The following PTPRT variants were observed in gnomAD, a reference collection of about 807,000 sequenced individuals.
The protein encoded by PTPRT is receptor-type tyrosine-protein phosphatase T.
In PTPRT, 56 loss-of-function variants were observed where a neutral mutation model predicts 176.8. The ratio of observed to expected loss-of-function variants is 0.32; its 90% CI spans 0.26 to 0.40. The LOEUF is 0.40. PTPRT is among the 10% of genes least tolerant of loss of function. The pLI is 1.00. For missense variants in PTPRT, 1,540 were observed against 1,908.2 expected (o/e 0.81, Z 3.60); for synonymous variants, 783 against 739.0 (o/e 1.06, Z -0.96).
rs2070769465 is a variant in PTPRT at position 42,448,338 on chromosome 20, T to C, written c.1451-9A>G. On this transcript the variant is annotated splice_polypyrimidine_tract_variant and intron_variant, in intron 8 of 30. Coordinates refer to ENST00000373187, the MANE Select transcript of PTPRT (RefSeq NM_007050.6). ...AGGAACAGCTCCTGGAACTACAGAA[T>C]GGAAAAGTTATGAACTTGATGTCAC... 2 of 1,596,240 alleles carry C rather than the reference T, an allele frequency of 1.3e-6. No individual in the cohort carries two copies. Among genetic ancestry groups the C allele is most frequent in the African/African-American group, 2.7e-5 (2 of 74,470 alleles).
chr20:42,919,724 A>G (rs1265379293), intron 1 of PTPRT, among the ~76,000 whole-genome samples: 1 of 152,244 alleles, frequency 6.6e-6, no homozygotes, highest in African/African-American at 2.4e-5. Flanking sequence ...AACCTTGTAG[A>G]CAAGTAAGAA....
chr20:42,328,078 A>G (rs921359609), intron 11 of PTPRT, among the ~76,000 whole-genome samples: 1 of 152,102 alleles, frequency 6.6e-6, no homozygotes, highest in Non-Finnish European at 1.5e-5. Flanking sequence ...GGAAAATAGG[A>G]ACTTACCTTA....
chr20:42,073,061 A>T lies in PTPRT; in HGVS notation c.*7818T>A, dbSNP rs1007418192. ...TCTTCTCATACGTGCTTTATCTATC[A>T]AACACCCAAACTGTACAAGTGCAGG... On this transcript the variant is annotated 3_prime_UTR_variant, in exon 31 of 31. Coordinates refer to ENST00000373187, the MANE Select transcript of PTPRT (RefSeq NM_007050.6). 1 of 217,676 alleles carries T rather than the reference A, an allele frequency of 4.6e-6. No homozygotes were observed. Among genetic ancestry groups the T allele is most frequent in the African/African-American group, 2.3e-5 (1 of 44,442 alleles). 13.5% of individuals were successfully genotyped at this position (217,676 alleles called of 1,614,324 possible). A position where few individuals can be genotyped will look rare whatever the true frequency, so the allele number is the denominator to read the frequency against.
At chr20:43,071,787 A>C (rs2011184721) in intron 1 of PTPRT, among the ~76,000 whole-genome samples, 2 of 152,224 alleles carry the variant, frequency 1.3e-5, no homozygotes, top group South Asian at 4.1e-4. Flanking sequence ...CTCCATCTCA[A>C]ATAAAACAAA....
intron 1 of PTPRT, among the ~76,000 whole-genome samples, chr20:43,046,777 G>C (rs1986856823): frequency 6.6e-6 from 1 of 152,142 alleles, no homozygotes. Context: ...CAACTAAAAT[G>C]AACTCAGTAG....
At chr20:42,161,308 C>A (rs1410984427) in intron 17 of PTPRT, 44 bp downstream of exon 17, 3 of 1,608,512 alleles carry the variant, frequency 1.9e-6, no homozygotes, top group East Asian at 4.5e-5. Context: ...CCCAAATAAG[C>A]CTCTGAAACT....
At chr20:42,170,155 C>T (rs1422640829) in intron 16 of PTPRT, among the ~76,000 whole-genome samples, 9 of 152,140 alleles carry the variant, frequency 5.9e-5, no homozygotes. Flanking sequence ...AGGTTGCCCT[C>T]ATGCCAAGAT....
At chr20:42,101,227 G>A (rs374446576) in intron 26 of PTPRT, among the ~76,000 whole-genome samples, 2 of 152,152 alleles carry the variant, frequency 1.3e-5, no homozygotes, top group East Asian at 3.9e-4. Flanking sequence ...CAAATTGCAG[G>A]GAGGCTCAAG....
chr20:42,100,272 C>A (rs1269066034), intron 26 of PTPRT, among the ~76,000 whole-genome samples: 1 of 152,172 alleles, frequency 6.6e-6, no homozygotes, highest in African/African-American at 2.4e-5. Flanking sequence ...CGTGCTCCTG[C>A]CGGGTTTCAG....
At chr20:42,477,968 T>C (rs6072756) in intron 7 of PTPRT, among the ~76,000 whole-genome samples, 41,110 of 152,092 alleles carry the variant, frequency 0.27, 5,817 homozygotes, top group East Asian at 0.4. Flanking sequence ...GGCCAAAGGA[T>C]CTGGTTCTGT....
At chr20:42,916,929 C>G (rs538075351) in intron 1 of PTPRT, among the ~76,000 whole-genome samples, 332 of 152,170 alleles carry the variant, frequency 2.2e-3, no homozygotes, top group Non-Finnish European at 3.8e-3. Context: ...CACTCTGATG[C>G]TAGTTTCTTT....
chr20:42,640,240 ATTT>A (rs1041349441), intron 7 of PTPRT, among the ~76,000 whole-genome samples: 1 of 151,942 alleles, frequency 6.6e-6, no homozygotes, highest in Non-Finnish European at 1.5e-5. Context: ...AGTAAAATTT[ATTT>A]TTTTATTGGT....
chr20:42,278,133 A>T (rs867212599), intron 13 of PTPRT, among the ~76,000 whole-genome samples: 1 of 91,824 alleles, frequency 1.1e-5, no homozygotes, highest in Non-Finnish European at 2.1e-5. Flanking sequence ...ATATATATAT[A>T]TTTGCAAGTT....
intron 9 of PTPRT, among the ~76,000 whole-genome samples, chr20:42,426,557 A>T (rs2059166027): frequency 6.6e-6 from 1 of 152,178 alleles, no homozygotes; most frequent in African/African-American, 2.4e-5. Flanking sequence ...TACTAAGAGG[A>T]CACTGAATTG....
At chr20:43,022,668 G>C (rs2146179825) in intron 1 of PTPRT, among the ~76,000 whole-genome samples, 1 of 152,300 alleles carries the variant, frequency 6.6e-6, no homozygotes, top group South Asian at 2.1e-4. Flanking sequence ...TTATGGCAGG[G>C]GAGGAGTTAT....
At chr20:42,525,587 G>A (rs985041231) in intron 7 of PTPRT, among the ~76,000 whole-genome samples, 1 of 152,146 alleles carries the variant, frequency 6.6e-6, no homozygotes, top group Non-Finnish European at 1.5e-5. Context: ...CAACATATAC[G>A]TAATTGTTAC....
chr20:42,848,608 C>A (rs6030525), intron 2 of PTPRT, among the ~76,000 whole-genome samples: 1 of 152,028 alleles, frequency 6.6e-6, no homozygotes, highest in East Asian at 1.9e-4. Context: ...TGTTTGTTGG[C>A]CATTTGTATA....
chr20:42,261,855 C>A, intron 13 of PTPRT, among the ~76,000 whole-genome samples: 1 of 152,148 alleles, frequency 6.6e-6, no homozygotes, highest in East Asian at 1.9e-4. Flanking sequence ...GGAGGAGAAG[C>A]AAAGATCTGC....
intron 2 of PTPRT, among the ~76,000 whole-genome samples, chr20:42,869,460 C>A (rs1319971214): frequency 1.3e-5 from 2 of 152,208 alleles, no homozygotes; most frequent in Non-Finnish European, 2.9e-5. Flanking sequence ...AGATTTAATG[C>A]TGTTTGTCTT....
Sources: allele counts gnomAD v4.1 joint callset (sites outside exome capture counted in the v4.1 genomes callset), GRCh38; gene constraint gnomAD v4.1.1; transcripts MANE v1.5; gene names NCBI Gene and HGNC (gene_info 2026-07-23, HGNC 2026-07-21).